The following ART3 variants were observed in gnomAD, a reference collection of about 807,000 sequenced individuals.
The protein encoded by ART3 is ADP-ribosyltransferase 3 (inactive), also known as ecto-ADP-ribosyltransferase 3.
Under a neutral mutation model 48.5 loss-of-function variants are expected in ART3, and 49 were observed. The observed-to-expected ratio is 1.01, with a 90% CI of 0.80 to 1.28. The LOEUF (loss-of-function observed/expected upper bound fraction) is 1.28. ART3 is among the 50% of genes most tolerant of loss of function. The pLI is 0.00. For missense variants in ART3, 438 were observed against 454.3 expected, an observed-to-expected ratio of 0.96 and a Z score of 0.33; for synonymous variants, 145 against 157.2, an observed-to-expected ratio of 0.92 and a Z score of 0.58.
intron 1 of ART3, chr4:76,034,998 CTG>C: frequency 6.6e-7 from 1 of 1,524,300 alleles, no homozygotes; most frequent in Non-Finnish European, 9.1e-7. Flanking sequence ...TTCAAAAGAT[CTG>C]TCTTGGATAA....
chr4:76,111,549 A>ATTTT (rs149230735), intron 11 of ART3, among the ~76,000 whole-genome samples: 2 of 151,612 alleles, frequency 1.3e-5, no homozygotes, highest in African/African-American at 4.9e-5. Context: ...CAGTTTATTT[A>ATTTT]TTTATTTATT....
chr4:76,032,745 C>T (rs1163883575), intron 1 of ART3, among the ~76,000 whole-genome samples: 8 of 151,918 alleles, frequency 5.3e-5, no homozygotes, highest in East Asian at 1.9e-4. Flanking sequence ...CCAGCAGCCT[C>T]GGCTAATTTT....
At chr4:76,055,559 G>A (rs1718608263) in intron 1 of ART3, among the ~76,000 whole-genome samples, 1 of 152,196 alleles carries the variant, frequency 6.6e-6, no homozygotes, top group South Asian at 2.1e-4. Flanking sequence ...TGAAACGGGA[G>A]TGAAAGGCAT....
chr4:76,048,351 T>C lies in ART3; in HGVS notation c.-9-27530T>C, dbSNP rs577611170. ...ATTTTTCCCCATCAGAGAGAGAATA[T>C]TGGGGCCAAGCCATAGTGTAGAAAA... On this transcript the variant is annotated intron_variant, in intron 1 of 9. Coordinates refer to the ART3 transcript ENST00000341029. 9.9e-5 allele frequency among the ~76,000 whole-genome samples: 15 copies of C among 152,000 alleles called. No homozygotes were observed. In the East Asian group the frequency reaches 1.4e-3, roughly 14 times the overall value.
At chr4:76,035,848 TA>T in intron 1 of ART3, 1 of 1,281,134 alleles carries the variant, frequency 7.8e-7, no homozygotes, top group Admixed American at 1.9e-5. Context: ...TCATGTCTTT[TA>T]GGATAAAAGT....
intron 1 of ART3, among the ~76,000 whole-genome samples, chr4:76,058,261 G>T (rs964410999): frequency 1.3e-5 from 2 of 152,100 alleles, no homozygotes; most frequent in Non-Finnish European, 2.9e-5. Context: ...GTCAGCTATT[G>T]TAACAATGAC....
chr4:76,072,304 C>T (rs547708349), upstream of ART3, among the ~76,000 whole-genome samples: 216 of 152,300 alleles, frequency 1.4e-3, no homozygotes, highest in Non-Finnish European at 1.3e-3. Flanking sequence ...AAATGCTTTT[C>T]CTTATCGTAT....
At chr4:76,028,800 G>A (rs545946203) in intron 1 of ART3, among the ~76,000 whole-genome samples, 15 of 152,318 alleles carry the variant, frequency 9.8e-5, no homozygotes, top group Middle Eastern at 3.4e-3. Context: ...ACTGAGTGCT[G>A]GCAAAGTGGG....
intron 4 of ART3, among the ~76,000 whole-genome samples, chr4:76,098,436 A>G (rs114708150): frequency 0.017 from 2,598 of 152,316 alleles, 40 homozygotes; most frequent in South Asian, 0.039. Context: ...AAAAAAGTTC[A>G]AAAGCAAGGT....
At chr4:76,054,486 A>G (rs1027661445) in intron 1 of ART3, among the ~76,000 whole-genome samples, 8 of 152,216 alleles carry the variant, frequency 5.3e-5, no homozygotes, top group African/African-American at 1.7e-4. Flanking sequence ...TTTCTTATAT[A>G]ATCTTGATAC....
At position 76,100,685 on chromosome 4, in the gene ART3, A is replaced by G. The variant is rs2149675730; in HGVS notation, c.878-110A>G. On this transcript the variant is annotated intron_variant, in intron 6 of 11. Transcript: ENST00000355810. ...TGCATTTTGCAAGATACCTCCCTTTACAGGTGGGAATATTTTCATATTTCT... is the reference window on the plus strand; with the variant it reads ...TGCATTTTGCAAGATACCTCCCTTTGCAGGTGGGAATATTTTCATATTTCT... 2.4e-6 allele frequency: 3 copies of G among 1,269,398 alleles called. No homozygotes were observed. The East Asian group carries it at 7.0e-5, about 30-fold the overall frequency. 78.6% of individuals were successfully genotyped at this position (1,269,398 alleles called of 1,614,324 possible).
At chr4:76,029,981 C>T (rs907121020) in intron 1 of ART3, among the ~76,000 whole-genome samples, 3 of 152,276 alleles carry the variant, frequency 2.0e-5, no homozygotes, top group East Asian at 1.9e-4. Flanking sequence ...GAAGTTCAGC[C>T]TTTTTTCCTT....
Position 76,021,887 on chromosome 4 carries a change from T to G in ART3, c.-10+10567T>G, listed in dbSNP as rs751103662. The stretch of plus-strand genomic sequence containing the variant: ...GATGGGAGAGGCAGCCTCTGTGTGG[T>G]CCATCCTTGGAAGCACTGCATCGAT... On this transcript the variant is annotated intron_variant, in intron 1 of 9. Transcript: ENST00000341029. 11 of 1,585,972 alleles carry G rather than the reference T, an allele frequency of 6.9e-6. No homozygotes were observed. In the African/African-American group the frequency reaches 1.3e-4, roughly 19 times the overall value.
At chr4:76,069,722 G>C (rs1720126481), upstream of ART3, among the ~76,000 whole-genome samples, 2 of 152,014 alleles carry the variant, frequency 1.3e-5, no homozygotes, top group African/African-American at 4.8e-5. Flanking sequence ...TAATATTCCA[G>C]TGTGTGGGTA....
intron 1 of ART3, chr4:76,075,253 C>T (rs559642594): frequency 6.6e-6 from 1 of 152,296 alleles, no homozygotes; most frequent in South Asian, 2.1e-4. Context: ...CCTTCTTATT[C>T]TTGTTCCCGC....
intron 11 of ART3, among the ~76,000 whole-genome samples, chr4:76,108,092 T>TA (rs536447393): frequency 3.3e-4 from 48 of 145,594 alleles, no homozygotes; most frequent in African/African-American, 6.5e-4. Flanking sequence ...AAATATATAT[T>TA]AAAAAAAAAA....
At chr4:76,068,676 A>C (rs1160905720) in intron 1 of ART3, among the ~76,000 whole-genome samples, 2 of 152,006 alleles carry the variant, frequency 1.3e-5, no homozygotes, top group Non-Finnish European at 2.9e-5. Flanking sequence ...AAAAAAAATA[A>C]CTGTTGTGTA....
At chr4:76,099,266 G>A in intron 5 of ART3, 3 of 402,548 alleles carry the variant, frequency 7.5e-6, no homozygotes, top group Non-Finnish European at 1.4e-5. Flanking sequence ...TGCACCCACT[G>A]CACTCCAGCC....
chr4:76,013,115 G>T (rs2149350298), intron 1 of ART3, among the ~76,000 whole-genome samples: 1 of 152,296 alleles, frequency 6.6e-6, no homozygotes, highest in South Asian at 2.1e-4. Flanking sequence ...CAGAATAATT[G>T]GAGGTACAGA....
Sources: allele counts gnomAD v4.1 joint callset (sites outside exome capture counted in the v4.1 genomes callset), GRCh38; gene constraint gnomAD v4.1.1; transcripts MANE v1.5; gene names NCBI Gene and HGNC (gene_info 2026-07-23, HGNC 2026-07-21).